SGK3: variants seen among roughly 807,000 people sequenced by gnomAD.
The protein encoded by SGK3 is serine/threonine-protein kinase Sgk3.
A neutral mutation model predicts 68.5 loss-of-function variants in SGK3; 47 were observed. That is an observed-to-expected ratio of 0.69 (90% CI 0.54 to 0.87). SGK3 has a LOEUF of 0.87. Ranked by LOEUF, SGK3 falls within the 40% of genes least tolerant of loss-of-function variation. The probability of loss-of-function intolerance (pLI) is 0.00; values close to 1 mark genes in which losing one functional copy is unlikely to be tolerated. For synonymous variants in SGK3, 181 were observed against 189.1 expected (o/e 0.96, Z 0.35); for missense variants, 479 against 575.5 (o/e 0.83, Z 1.72).
intron 1 of SGK3, among the ~76,000 whole-genome samples, chr8:66,772,472 G>A (rs529937652): frequency 6.6e-6 from 1 of 150,612 alleles, no homozygotes; most frequent in South Asian, 2.1e-4. Context: ...TTGGCTCATT[G>A]CAGCCTGTAC....
chr8:66,857,585 C>T (rs1429467464), intron 16 of SGK3, among the ~76,000 whole-genome samples: 1 of 151,852 alleles, frequency 6.6e-6, no homozygotes, highest in Non-Finnish European at 1.5e-5. Flanking sequence ...AGTTCAAGAC[C>T]AGCCTGGACA....
intron 1 of SGK3, among the ~76,000 whole-genome samples, chr8:66,723,138 T>C (rs1430536922): frequency 9.0e-6 from 1 of 111,168 alleles, no homozygotes; most frequent in African/African-American, 3.8e-5. Flanking sequence ...TATATTTTTT[T>C]TTTTTTTTTT....
rs1269505213 is a variant in SGK3 at position 66,835,747 on chromosome 8, T to C, written c.526-16T>C. The C allele has an allele frequency of 5.0e-6, 8 of 1,606,844 alleles. No homozygotes were observed. Among genetic ancestry groups the C allele is most frequent in the Non-Finnish European group, 2.5e-6 (3 of 1,178,112 alleles). On this transcript the variant is annotated splice_polypyrimidine_tract_variant and intron_variant, in intron 8 of 16. Transcript: ENST00000521198. Reference sequence around the variant, plus strand: ...TGAAATTTCTAATAGTATACACTAATGTTTAACTATAACAGGTTCTTCTTG... The same window carrying C: ...TGAAATTTCTAATAGTATACACTAACGTTTAACTATAACAGGTTCTTCTTG...
At chr8:66,765,650 A>G (rs1423436400) in intron 1 of SGK3, among the ~76,000 whole-genome samples, 1 of 152,170 alleles carries the variant, frequency 6.6e-6, no homozygotes, top group Non-Finnish European at 1.5e-5. Context: ...ATTTTCATTC[A>G]GTGCAAAATA....
chr8:66,824,388 A>G (rs1808970048), intron 6 of SGK3, among the ~76,000 whole-genome samples: 1 of 152,194 alleles, frequency 6.6e-6, no homozygotes, highest in Non-Finnish European at 1.5e-5. Flanking sequence ...GTAAAAAAAC[A>G]TAGAGGAAAA....
intron 12 of SGK3, 90 bp from the exon 13 acceptor site, chr8:66,840,934 T>G: frequency 1.1e-6 from 1 of 926,308 alleles, no homozygotes; most frequent in Non-Finnish European, 1.5e-6. Context: ...AGAGTAAGAC[T>G]CTGTTTCAAA....
At chr8:66,772,328 T>C (rs185018501) in intron 1 of SGK3, among the ~76,000 whole-genome samples, 10 of 150,684 alleles carry the variant, frequency 6.6e-5, no homozygotes, top group Non-Finnish European at 1.3e-4. Context: ...GCTCAAGAAA[T>C]CCTCCTGTCT....
At chr8:66,794,622 G>C (rs926481841) in intron 2 of SGK3, among the ~76,000 whole-genome samples, 2 of 152,042 alleles carry the variant, frequency 1.3e-5, no homozygotes, top group Non-Finnish European at 2.9e-5. Context: ...ATTTAACCAG[G>C]TCTCAGGATA....
At chr8:66,762,183 G>A (rs1431742282) in intron 1 of SGK3, among the ~76,000 whole-genome samples, 4 of 152,176 alleles carry the variant, frequency 2.6e-5, no homozygotes, top group Admixed American at 2.6e-4. Context: ...TGGCCAGGCT[G>A]GTTGTGAACT....
intron 1 of SGK3, among the ~76,000 whole-genome samples, chr8:66,720,492 A>G (rs866562233): frequency 6.6e-6 from 1 of 152,190 alleles, no homozygotes; most frequent in African/African-American, 2.4e-5. Flanking sequence ...AAATTGGGCC[A>G]GGCGCAGTGG....
chr8:66,794,424 T>C (rs866571142), intron 2 of SGK3, among the ~76,000 whole-genome samples: 2 of 152,130 alleles, frequency 1.3e-5, no homozygotes, highest in South Asian at 2.1e-4. Flanking sequence ...CAATATTGTA[T>C]TTAGTTTCAG....
At chr8:66,743,115 A>G (rs1482488105) in intron 1 of SGK3, among the ~76,000 whole-genome samples, 4 of 152,202 alleles carry the variant, frequency 2.6e-5, no homozygotes, top group African/African-American at 9.6e-5. Context: ...AGAAGAGACC[A>G]TAGTTTTTTG....
chr8:66,760,330 C>CCTTTTTTT (rs1476397853), intron 1 of SGK3, among the ~76,000 whole-genome samples: 1 of 115,650 alleles, frequency 8.6e-6, no homozygotes, highest in East Asian at 2.5e-4. Context: ...TTTCTTTTTT[C>CCTTTTTTT]TTTTTTTTTT....
intron 5 of SGK3, among the ~76,000 whole-genome samples, chr8:66,821,719 G>T (rs1219987852): frequency 1.5e-4 from 22 of 148,378 alleles, no homozygotes; most frequent in African/African-American, 5.5e-4. Flanking sequence ...TGGAGACGGG[G>T]TTTCACCATG....
intron 5 of SGK3, among the ~76,000 whole-genome samples, chr8:66,816,308 A>G (rs1808576837): frequency 8.2e-6 from 1 of 121,390 alleles, no homozygotes; most frequent in Non-Finnish European, 1.8e-5. Flanking sequence ...TTTAACTGGC[A>G]TTTTCTTTTT....
chr8:66,855,901 T>TACTA (rs1810489302), intron 16 of SGK3, among the ~76,000 whole-genome samples: 1 of 152,224 alleles, frequency 6.6e-6, no homozygotes, highest in Non-Finnish European at 1.5e-5. Flanking sequence ...TGTATCCTTT[T>TACTA]ACTAAATCCT....
intron 1 of SGK3, among the ~76,000 whole-genome samples, chr8:66,779,741 T>C (rs1166654855): frequency 6.7e-6 from 1 of 150,374 alleles, no homozygotes; most frequent in Non-Finnish European, 1.5e-5. Context: ...ATTCTGCATG[T>C]TGTCTTTACT....
intron 1 of SGK3, chr8:66,737,174 C>T (rs1382080601): frequency 6.6e-6 from 1 of 151,316 alleles, no homozygotes; most frequent in Non-Finnish European, 1.5e-5. Flanking sequence ...CTTTGTTTCT[C>T]TGTTAATTAC....
At chr8:66,741,122 C>T (rs1805466568) in intron 1 of SGK3, among the ~76,000 whole-genome samples, 1 of 152,140 alleles carries the variant, frequency 6.6e-6, no homozygotes, top group Admixed American at 6.6e-5. Flanking sequence ...AGACTTTCTA[C>T]AGAGTAAGTC....
Sources: allele counts gnomAD v4.1 joint callset (sites outside exome capture counted in the v4.1 genomes callset), GRCh38; gene constraint gnomAD v4.1.1; transcripts MANE v1.5; gene names NCBI Gene and HGNC (gene_info 2026-07-23, HGNC 2026-07-21).